Variants in ARHGAP8 observed in about 807,000 individuals in gnomAD.
ARHGAP8 encodes Rho GTPase activating protein 8.
In ARHGAP8, 62 loss-of-function variants were observed where a neutral mutation model predicts 46.1. The observed-to-expected ratio is 1.34, with a 90% CI of 1.10 to 1.66. The LOEUF (loss-of-function observed/expected upper bound fraction) is 1.66, where lower values mean the gene tolerates loss of function less well. Among genes scored for constraint, ARHGAP8 ranks in the 40% most tolerant of loss-of-function variants. The pLI, the probability that ARHGAP8 is intolerant of heterozygous loss-of-function variation, is 0.00. For synonymous variants in ARHGAP8, 375 were observed against 243.1 expected (o/e 1.54, Z -5.05); for missense variants, 923 against 568.4 (o/e 1.62, Z -6.34).
At chr22:44,794,854 T>C (rs140135092) in intron 2 of ARHGAP8, among the ~76,000 whole-genome samples, 1 of 152,160 alleles carries the variant, frequency 6.6e-6, no homozygotes, top group African/African-American at 2.4e-5. Flanking sequence ...AATAATGCTG[T>C]GTGTTCACTT....
intron 2 of ARHGAP8, among the ~76,000 whole-genome samples, chr22:44,791,538 T>C (rs540610266): frequency 6.6e-6 from 1 of 152,100 alleles, no homozygotes; most frequent in Non-Finnish European, 1.5e-5. Flanking sequence ...ACCCCGTATG[T>C]ACTAAAAATA....
At chr22:44,825,740 C>G (rs111807485) in intron 7 of ARHGAP8, 147 bp downstream of exon 7, 2 of 1,039,878 alleles carry the variant, frequency 1.9e-6, no homozygotes. Context: ...GAGCTCATCA[C>G]TGAGGCCGTG....
chr22:44,779,762 T>C (rs1024988927), intron 1 of ARHGAP8, among the ~76,000 whole-genome samples: 6 of 151,774 alleles, frequency 4.0e-5, no homozygotes, highest in African/African-American at 1.5e-4. Flanking sequence ...AGAGATGGGG[T>C]TTCACTGTAT....
At chr22:44,801,662 TC>T (rs1928561413) in intron 2 of ARHGAP8, among the ~76,000 whole-genome samples, 1 of 152,138 alleles carries the variant, frequency 6.6e-6, no homozygotes, top group African/African-American at 2.4e-5. Context: ...GGAGCCATTG[TC>T]CCCCAGGCCA....
chr22:44,848,234 CT>C (rs2070008402), intron 9 of ARHGAP8, among the ~76,000 whole-genome samples, 184 bp downstream of exon 9: 1 of 152,236 alleles, frequency 6.6e-6, no homozygotes, highest in Non-Finnish European at 1.5e-5. Flanking sequence ...GAGTGGGGAC[CT>C]TTTGTCCAGA....
chr22:44,801,897 A>G (rs1029320985), intron 2 of ARHGAP8, 180 bp from the exon 3 acceptor site: 1 of 627,376 alleles, frequency 1.6e-6, no homozygotes, highest in African/African-American at 1.8e-5. Context: ...ATGAACTTGG[A>G]CCACGTGCAT....
chr22:44,862,194 C>G (rs2070524554), intron 11 of ARHGAP8, 81 bp from the exon 12 acceptor site: 1 of 1,508,052 alleles, frequency 6.6e-7, no homozygotes, highest in Admixed American at 2.0e-5. Context: ...ACCTACGCCT[C>G]TCCCTAAGTT....
intron 2 of ARHGAP8, among the ~76,000 whole-genome samples, chr22:44,792,514 C>A (rs934140940): frequency 1.3e-5 from 2 of 152,150 alleles, no homozygotes; most frequent in African/African-American, 4.8e-5. Context: ...GGACCAGGAA[C>A]CCCCTGCCCT....
At chr22:44,783,256 C>T (rs1156687282) in intron 1 of ARHGAP8, among the ~76,000 whole-genome samples, 1 of 152,160 alleles carries the variant, frequency 6.6e-6, no homozygotes, top group African/African-American at 2.4e-5. Context: ...CCTTGGAGGC[C>T]CTCCCCTGCC....
intron 1 of ARHGAP8, among the ~76,000 whole-genome samples, chr22:44,780,902 C>T (rs1926798778): frequency 6.6e-6 from 1 of 152,156 alleles, no homozygotes; most frequent in Non-Finnish European, 1.5e-5. Flanking sequence ...TTCTGTTTCC[C>T]ATTTTACAGA....
In ARHGAP8 at chr22:44,777,998, T is replaced by TTTTATTTA. The variant is rs59802896; in HGVS notation, c.-71-8419_-71-8412dup. ...GGCATGAGCCACTGTGCCTGGACTA[T>TTTTATTTA]TTTATTTATTTATTTATTTATTTAT... On this transcript the variant is annotated intron_variant, in intron 1 of 11. Transcript: ENST00000356099. 2.7e-3 allele frequency among the ~76,000 whole-genome samples: 384 copies of TTTTATTTA among 143,780 alleles called. 2 individuals carry two copies. The highest frequency in any genetic ancestry group is 0.014 in the East Asian group (67 of 4,834). 94.3% of individuals were successfully genotyped at this position (143,780 alleles called of 152,430 possible).
At chr22:44,846,255 C>T (rs2069953026) in intron 8 of ARHGAP8, among the ~76,000 whole-genome samples, 1 of 152,236 alleles carries the variant, frequency 6.6e-6, no homozygotes, top group African/African-American at 2.4e-5. Context: ...CTTAAAGCCA[C>T]CGCCTCAGCC....
intron 3 of ARHGAP8, 133 bp from the exon 4 acceptor site, chr22:44,808,174 G>A (rs764291240): frequency 9.9e-5 from 136 of 1,372,094 alleles, no homozygotes; most frequent in Admixed American, 1.5e-4. Context: ...CGGGGCCCAC[G>A]GTGCATGGAG....
chr22:44,783,051 G>A (rs11704232), intron 1 of ARHGAP8, among the ~76,000 whole-genome samples: 134,322 of 148,896 alleles, frequency 0.9, 60,768 homozygotes, highest in Non-Finnish European at 0.94. Context: ...CGATACACAC[G>A]CTCCCCTCCC....
intron 2 of ARHGAP8, among the ~76,000 whole-genome samples, chr22:44,791,636 G>A (rs1342483146): frequency 3.9e-5 from 6 of 152,086 alleles, no homozygotes; most frequent in Admixed American, 2.0e-4. Flanking sequence ...CCCAGGAGGC[G>A]GAGGTTGCAG....
At chr22:44,821,239 G>A (rs549254930) in intron 5 of ARHGAP8, among the ~76,000 whole-genome samples, 225 of 152,172 alleles carry the variant, frequency 1.5e-3, no homozygotes, top group African/African-American at 5.1e-3. Flanking sequence ...AGACCATCCT[G>A]GCTAACATGT....
At chr22:44,787,158 A>G (rs1007420689) in intron 2 of ARHGAP8, among the ~76,000 whole-genome samples, 1 of 152,144 alleles carries the variant, frequency 6.6e-6, no homozygotes, top group Non-Finnish European at 1.5e-5. Context: ...GCCAACGGGC[A>G]GTGTCCTGCT....
chr22:44,765,515 C>T (rs1333508037), intron 1 of ARHGAP8: 1 of 152,678 alleles, frequency 6.5e-6, no homozygotes, highest in Non-Finnish European at 1.5e-5. Flanking sequence ...CTGGAGGGGC[C>T]TAGAGCCTGG....
intron 1 of ARHGAP8, among the ~76,000 whole-genome samples, chr22:44,763,309 C>T (rs1472658801): frequency 1.3e-5 from 2 of 151,464 alleles, no homozygotes; most frequent in Non-Finnish European, 2.9e-5. Flanking sequence ...CCAACCTGGC[C>T]AACATGGTGA....
Sources: allele counts gnomAD v4.1 joint callset (sites outside exome capture counted in the v4.1 genomes callset), GRCh38; gene constraint gnomAD v4.1.1; transcripts MANE v1.5; gene names NCBI Gene and HGNC (gene_info 2026-07-23, HGNC 2026-07-21).